IGSF3: variants seen among roughly 807,000 people sequenced by gnomAD.
IGSF3 encodes the protein glu-Trp-Ile EWI motif-containing protein 3.
A neutral mutation model predicts 114.4 loss-of-function variants in IGSF3; 23 were observed. That is an observed-to-expected ratio of 0.20 (90% CI 0.14 to 0.28). The LOEUF is 0.28. Ranked by LOEUF, IGSF3 falls within the 10% of genes least tolerant of loss-of-function variation. The pLI is 1.00. For synonymous variants in IGSF3, 571 were observed against 645.2 expected (o/e 0.88, Z 1.74); for missense variants, 1,172 against 1,591.5 (o/e 0.74, Z 4.48).
chr1:116,589,454 G>A lies in IGSF3; in HGVS notation c.2030-350C>T, dbSNP rs1659999023. Among the ~76,000 whole-genome samples, 1 of 152,110 alleles carries A rather than the reference G, an allele frequency of 6.6e-6. No individual in the cohort carries two copies. Among genetic ancestry groups the A allele is most frequent in the South Asian group, 2.1e-4 (1 of 4,832 alleles). ...CTCTGAACTACCTACGGGCCAGAGA[G>A]AAACAATTCCTTTTCACAGCACAAA... On this transcript the variant is annotated intron_variant, in intron 7 of 10. Coordinates refer to ENST00000369486, the MANE Select transcript of IGSF3 (RefSeq NM_001007237.3). This position sits in a 1 kb window ranked among gnomAD's most constrained non-coding sequence, Gnocchi z 5.7.
chr1:116,617,476 G>A lies in IGSF3; in HGVS notation c.44-1019C>T, dbSNP rs1000581093. ...GCAGCTTTGCCACCAATTAGAGCTG[G>A]TTGTGTCATCTCAGACAACTTGCTT... On this transcript the variant is annotated intron_variant, in intron 2 of 10. Transcript: ENST00000369486. 9 of 357,792 alleles carry A rather than the reference G, an allele frequency of 2.5e-5. No individual in the cohort carries two copies. The Admixed American group carries it at 5.8e-4, about 23-fold the overall frequency. 22.2% of individuals were successfully genotyped at this position (357,792 alleles called of 1,614,324 possible). A position where few individuals can be genotyped will look rare whatever the true frequency, so the allele number is the denominator to read the frequency against.
In IGSF3 at chr1:116,661,509, A is replaced by G. The variant is rs1222346968; in HGVS notation, c.43+4775T>C. Among the ~76,000 whole-genome samples, 1 of 152,218 alleles carries G rather than the reference A, an allele frequency of 6.6e-6. No individual in the cohort carries two copies. The highest frequency in any genetic ancestry group is 1.5e-5 in the Non-Finnish European group (1 of 68,044). On this transcript the variant is annotated intron_variant, in intron 2 of 10. Transcript: ENST00000369486. This position sits in a 1 kb window ranked among gnomAD's most constrained non-coding sequence, Gnocchi z 4.0. ...AAATGTAGTGTTTAATTATATGCTG[A>G]TTTAGGTTGCTTCCTATGAAACAAA...
Position 116,608,251 on chromosome 1 carries a change from C to T in IGSF3, c.913G>A (p.Glu305Lys). 3 of 1,611,048 alleles carry T rather than the reference C, an allele frequency of 1.9e-6. No homozygotes were observed. The highest frequency in any genetic ancestry group is 1.7e-6 in the Non-Finnish European group (2 of 1,177,490). Residue 305 changes from glutamate to lysine, a missense_variant, in exon 5 of 11, where the codon GAG (glutamate) becomes AAG (lysine). Physicochemically the swap from Glu to Lys is moderately conservative, Grantham distance 56. Around this residue, in one of 3 missense-constraint regions of IGSF3, gnomAD observed 736 missense variants for 1,042.0 expected, o/e 0.71. Transcript: ENST00000369486. ...GEPVEFRCIL[E>K]AQNVPDRYFA... ...TAACGGTCGGGAACATTCTGAGCCT[C>T]CAGGATGCATCTGAACTCCACCGGC...
chr1:116,579,582 A>G lies in IGSF3; in HGVS notation c.3144T>C (p.Pro1048=), dbSNP rs750159621. ...TCTGGAAGCGAAGCCTGCCCTCCCAAGGACTGCCCTCTGGGCCAAAGACAG... is the reference window on the plus strand; with the variant it reads ...TCTGGAAGCGAAGCCTGCCCTCCCAGGGACTGCCCTCTGGGCCAAAGACAG... The part of the protein sequence containing the change: ...PDAVFGPEGS[P]WEGRLRFQRL... Residue 1048 remains proline (P), a synonymous_variant, in exon 10 of 11, where the codon CCT becomes CCC. Transcript: ENST00000369486. This position sits in a 1 kb window ranked among gnomAD's most constrained non-coding sequence, Gnocchi z 6.4. The G allele has an allele frequency of 1.9e-6, 3 of 1,614,160 alleles. No homozygotes were observed. The highest frequency in any genetic ancestry group is 2.5e-6 in the Non-Finnish European group (3 of 1,180,022).
chr1:116,632,913 AG>A lies in IGSF3; in HGVS notation c.44-16457del, dbSNP rs1647659273. Among the ~76,000 whole-genome samples the A allele has an allele frequency of 6.6e-6, 1 of 152,272 alleles. No individual in the cohort carries two copies. Among genetic ancestry groups the A allele is most frequent in the Non-Finnish European group, 1.5e-5 (1 of 68,040 alleles). On this transcript the variant is annotated intron_variant, in intron 2 of 10. Coordinates refer to ENST00000369486, the MANE Select transcript of IGSF3 (RefSeq NM_001007237.3). The surrounding 1 kb of genome is among the most constrained non-coding windows in gnomAD (Gnocchi z 5.1). ...TACCAAGCATTTGATTTACTTGCTC[AG>A]GCAAAATTCCAGAAGAGACACTGGG...
intron 2 of IGSF3, among the ~76,000 whole-genome samples, chr1:116,631,270 A>G (rs536177364): frequency 6.8e-4 from 100 of 146,658 alleles, no homozygotes; most frequent in Non-Finnish European, 1.3e-3. Flanking sequence ...GTGAGCCGAG[A>G]TCGCACCACT....
At position 116,592,851 on chromosome 1, in the gene IGSF3, A is replaced by G. The variant is rs1392518800; in HGVS notation, c.2030-3747T>C. Among the ~76,000 whole-genome samples, 1 of 152,230 alleles carries G rather than the reference A, an allele frequency of 6.6e-6. No homozygotes were observed. The highest frequency in any genetic ancestry group is 1.5e-5 in the Non-Finnish European group (1 of 68,042). On this transcript the variant is annotated intron_variant, in intron 7 of 10. Transcript: ENST00000369486. The surrounding 1 kb of genome is among the most constrained non-coding windows in gnomAD (Gnocchi z 4.5). Reference sequence around the variant, plus strand: ...AACTAATCAATGAATGGTTGAATAAATGTGGTTACTTTTCAAAAGGAGGGG... The same window carrying G: ...AACTAATCAATGAATGGTTGAATAAGTGTGGTTACTTTTCAAAAGGAGGGG...
At position 116,600,128 on chromosome 1, in the gene IGSF3, T is replaced by C; in HGVS notation, c.1842A>G (p.Arg614=). The change falls in exon 7 of 11, where the codon CGA becomes CGG. Residue 614 remains arginine, a synonymous_variant. Transcript: ENST00000369486. The surrounding 1 kb of genome is among the most constrained non-coding windows in gnomAD (Gnocchi z 5.5). ...CAGCCTTCTCGATGGCAGTTCGGGT[T>C]CGGAAGCTGGAGGACCTGTCCCCCC... is the stretch of plus-strand genomic sequence containing the variant. ...VQWGDRSSSF[R]TRTAIEKAES... 6.2e-7 allele frequency: 1 copy of C among 1,614,156 alleles called. No individual in the cohort carries two copies. Among genetic ancestry groups the C allele is most frequent in the Non-Finnish European group, 8.5e-7 (1 of 1,180,022 alleles).
Position 116,665,938 on chromosome 1 carries a change from A to G in IGSF3, c.43+346T>C, listed in dbSNP as rs1362285624. Among the ~76,000 whole-genome samples, 1 of 152,188 alleles carries G rather than the reference A, an allele frequency of 6.6e-6. No homozygotes were observed. Among genetic ancestry groups the G allele is most frequent in the Non-Finnish European group, 1.5e-5 (1 of 68,032 alleles). ...ATCAATGCAGCCCAACAAAGAAGTG[A>G]AAACACCAGAGCATCCATGTTTGAC... On this transcript the variant is annotated intron_variant, in intron 2 of 10. Transcript: ENST00000369486. This position sits in a 1 kb window ranked among gnomAD's most constrained non-coding sequence, Gnocchi z 4.0.
rs527810175 is a variant in IGSF3 at position 116,640,663 on chromosome 1, A to G, written c.44-24206T>C. Among the ~76,000 whole-genome samples, 28 of 152,354 alleles carry G rather than the reference A, an allele frequency of 1.8e-4. No homozygotes were observed. The South Asian group carries it at 5.8e-3, about 32-fold the overall frequency. On this transcript the variant is annotated intron_variant, in intron 2 of 10. Coordinates refer to ENST00000369486, the MANE Select transcript of IGSF3 (RefSeq NM_001007237.3). Reference sequence around the variant, plus strand: ...TATACCATGGTCCACTGTCTGAATAATCATTATCTATAGCACAATGTATTC... The same window carrying G: ...TATACCATGGTCCACTGTCTGAATAGTCATTATCTATAGCACAATGTATTC...
intron 2 of IGSF3, among the ~76,000 whole-genome samples, chr1:116,660,291 T>C (rs1412291976): frequency 6.6e-6 from 1 of 152,044 alleles, no homozygotes; most frequent in African/African-American, 2.4e-5. Flanking sequence ...CTGAGTGTCT[T>C]CCCCAGCAAC....
In IGSF3 at chr1:116,664,066, T is replaced by C. The variant is rs374945346; in HGVS notation, c.43+2218A>G. On this transcript the variant is annotated intron_variant, in intron 2 of 10. Coordinates refer to ENST00000369486, the MANE Select transcript of IGSF3 (RefSeq NM_001007237.3). This position sits in a 1 kb window ranked among gnomAD's most constrained non-coding sequence, Gnocchi z 4.6. ...CAAACGCCTTCTACCTCTCCCAGAT[T>C]AGTAAAGTAGTAGCCAGGCCTCCTT... is the stretch of plus-strand genomic sequence containing the variant. 6.6e-5 allele frequency among the ~76,000 whole-genome samples: 10 copies of C among 152,248 alleles called. No individual in the cohort carries two copies. Among genetic ancestry groups the C allele is most frequent in the African/African-American group, 2.2e-4 (9 of 41,544 alleles).
chr1:116,590,545 A>G (rs1322458298), intron 7 of IGSF3, among the ~76,000 whole-genome samples: 1 of 152,166 alleles, frequency 6.6e-6, no homozygotes, highest in African/African-American at 2.4e-5. Context: ...AGGGACAGCA[A>G]CCTAGGCCTC....
Position 116,666,869 on chromosome 1 carries a change from G to C in IGSF3, c.-543C>G, listed in dbSNP as rs1649354471. ...TCCATCCATGGTGGTAGGTCACGGA[G>C]GCGCCACCTGCCCCACGCCTGCCTA... On this transcript the variant is annotated 5_prime_UTR_variant, in exon 2 of 11. Coordinates refer to ENST00000369486, the MANE Select transcript of IGSF3 (RefSeq NM_001007237.3). 2.5e-6 allele frequency: 1 copy of C among 405,472 alleles called. No individual in the cohort carries two copies. The allele number at this position is 405,472 out of a possible 1,614,324, so 25.1% of individuals were successfully genotyped here.
In IGSF3 at chr1:116,577,257, A is replaced by C; in HGVS notation, c.*55T>G. 1 of 1,594,226 alleles carries C rather than the reference A, an allele frequency of 6.3e-7. No homozygotes were observed. Among genetic ancestry groups the C allele is most frequent in the Non-Finnish European group, 8.6e-7 (1 of 1,168,562 alleles). ...GGTGCTGTCAACTGTCCAATCACAG[A>C]GAAAGGGAGAGCCTCAGCTCCTCCG... On this transcript the variant is annotated 3_prime_UTR_variant, in exon 11 of 11. Coordinates refer to ENST00000369486, the MANE Select transcript of IGSF3 (RefSeq NM_001007237.3). The surrounding 1 kb of genome is among the most constrained non-coding windows in gnomAD (Gnocchi z 5.7).
chr1:116,641,439 T>C (rs979323977), intron 2 of IGSF3, among the ~76,000 whole-genome samples: 40 of 126,868 alleles, frequency 3.2e-4, no homozygotes, highest in African/African-American at 1.2e-3. Flanking sequence ...GAGGTTGCAG[T>C]GAGCCAAGAT....
chr1:116,641,471 G>A lies in IGSF3; in HGVS notation c.43+24813C>T, dbSNP rs1309878867. Among the ~76,000 whole-genome samples, 13 of 127,802 alleles carry A rather than the reference G, an allele frequency of 1.0e-4. No individual in the cohort carries two copies. The East Asian group carries it at 3.2e-3, about 31-fold the overall frequency. The allele number at this position is 127,802 out of a possible 152,430, so 83.8% of individuals were successfully genotyped here. On this transcript the variant is annotated intron_variant, in intron 2 of 10. Coordinates refer to ENST00000369486, the MANE Select transcript of IGSF3 (RefSeq NM_001007237.3). ...AGATTGTGCCACTGCACTCTAGCAT[G>A]GGCAACAGGGCAAGACTCTGTCTCA...
At position 116,662,952 on chromosome 1, in the gene IGSF3, A is replaced by T. The variant is rs1172286544; in HGVS notation, c.43+3332T>A. 6.6e-6 allele frequency among the ~76,000 whole-genome samples: 1 copy of T among 152,172 alleles called. No homozygotes were observed. Among genetic ancestry groups the T allele is most frequent in the East Asian group, 1.9e-4 (1 of 5,192 alleles). The stretch of plus-strand genomic sequence containing the variant: ...TTTCTAACTAACTGGGAAGTAAGAG[A>T]TGGCTTCCTCAGCCTTACCGTATTC... On this transcript the variant is annotated intron_variant, in intron 2 of 10. Coordinates refer to ENST00000369486, the MANE Select transcript of IGSF3 (RefSeq NM_001007237.3). This position sits in a 1 kb window ranked among gnomAD's most constrained non-coding sequence, Gnocchi z 4.3.
rs978699146 is a variant in IGSF3, at chr1:116,629,279, G to A, written c.44-12822C>T. ...TATAAAAGGATTTGAAAGTATTTTC[G>A]TAAAGATAAACACCCACACACCTCT... On this transcript the variant is annotated intron_variant, in intron 2 of 10. Transcript: ENST00000369486. The surrounding 1 kb of genome is among the most constrained non-coding windows in gnomAD (Gnocchi z 4.3). Among the ~76,000 whole-genome samples, 6 of 152,176 alleles carry A rather than the reference G, an allele frequency of 3.9e-5. No individual in the cohort carries two copies. The highest frequency in any genetic ancestry group is 2.1e-4 in the South Asian group (1 of 4,834).
Sources: allele counts gnomAD v4.1 joint callset (sites outside exome capture counted in the v4.1 genomes callset), GRCh38; gene constraint gnomAD v4.1.1; regional missense constraint gnomAD v4.1.1; non-coding constraint Gnocchi (gnomAD v3.1); transcripts MANE v1.5; gene names NCBI Gene and HGNC (gene_info 2026-07-23, HGNC 2026-07-21).